The following BTNL9 variants were observed in gnomAD, a reference collection of about 807,000 sequenced individuals.
BTNL9 encodes the protein butyrophilin like 9, also known as butyrophilin-like protein 9.
BTNL9 carries 45 observed loss-of-function variants against 45.8 expected under a neutral mutation model. The observed-to-expected ratio is 0.98, with a 90% CI of 0.77 to 1.26. The LOEUF (loss-of-function observed/expected upper bound fraction) is 1.26, where lower values mean the gene tolerates loss of function less well. BTNL9 is among the 50% of genes most tolerant of loss of function. The pLI, the probability that BTNL9 is intolerant of heterozygous loss-of-function variation, is 0.00. For missense variants in BTNL9, 784 were observed against 729.7 expected (o/e 1.07, Z -0.86); for synonymous variants, 346 against 330.8 (o/e 1.05, Z -0.50).
At chr5:181,041,310 A>G (rs1005407572) in intron 1 of BTNL9, among the ~76,000 whole-genome samples, 4 of 152,210 alleles carry the variant, frequency 2.6e-5, no homozygotes, top group African/African-American at 9.6e-5. Context: ...GAGATTTACT[A>G]TTTGTCAGGA....
Position 181,055,039 on chromosome 5 carries a change from G to A in BTNL9, c.908-394G>A. The A allele has an allele frequency of 5.1e-6, 5 of 985,468 alleles. No individual in the cohort carries two copies. The highest frequency in any genetic ancestry group is 6.0e-6 in the Non-Finnish European group (5 of 829,936). The allele number at this position is 985,468 out of a possible 1,614,324, so 61.0% of individuals were successfully genotyped here. A position where few individuals can be genotyped will look rare whatever the true frequency, so the allele number is the denominator to read the frequency against. On this transcript the variant is annotated intron_variant, in intron 7 of 10. Coordinates refer to ENST00000327705, the MANE Select transcript of BTNL9 (RefSeq NM_152547.5). The surrounding 1 kb of genome is among the most constrained non-coding windows in gnomAD (Gnocchi z 4.4). ...GGTGTGATGTCCTTCCAGTCCTTCAGATAACGCACCCGGTGAGTGACCGTG... is the reference window on the plus strand; with the variant it reads ...GGTGTGATGTCCTTCCAGTCCTTCAAATAACGCACCCGGTGAGTGACCGTG...
intron 2 of BTNL9, 64 bp from the exon 3 acceptor site, chr5:181,047,863 G>T: frequency 7.4e-7 from 1 of 1,357,032 alleles, no homozygotes; most frequent in Admixed American, 2.0e-5. Context: ...CTATAAAGGG[G>T]TGTGATAACT....
rs1761196240 is a variant in BTNL9 at position 181,046,776 on chromosome 5, C to T, written c.110-1151C>T. ...GCACAGCTAAGAGCAATGATTTGTT[C>T]CCGGAAAGCTGAGGAGAGCCGTAGA... On this transcript the variant is annotated intron_variant, in intron 2 of 10. Coordinates refer to ENST00000327705, the MANE Select transcript of BTNL9 (RefSeq NM_152547.5). Among the ~76,000 whole-genome samples, 3 of 152,002 alleles carry T rather than the reference C, an allele frequency of 2.0e-5. No homozygotes were observed. In the South Asian group the frequency reaches 6.2e-4, roughly 32 times the overall value.
At position 181,051,078 on chromosome 5, in the gene BTNL9, C is replaced by CAAAAAAA. The variant is rs1399289272; in HGVS notation, c.736+713_736+719dup. 9.8e-4 allele frequency among the ~76,000 whole-genome samples: 44 copies of CAAAAAAA among 44,700 alleles called. 1 individual carries two copies. Among genetic ancestry groups the CAAAAAAA allele is most frequent in the African/African-American group, 3.4e-3 (40 of 11,746 alleles). 29.3% of individuals were successfully genotyped at this position (44,700 alleles called of 152,430 possible). ...TGGGCAACAGAGCGAGAATCCGTCT[C>CAAAAAAA]AAAAAAAAAACAAAAAAAAAAAAAA... On this transcript the variant is annotated intron_variant, in intron 4 of 10. Transcript: ENST00000327705.
intron 3 of BTNL9, among the ~76,000 whole-genome samples, chr5:181,049,033 C>T (rs892388276): frequency 6.7e-6 from 1 of 149,702 alleles, no homozygotes; most frequent in Non-Finnish European, 1.5e-5. Context: ...TTTTAACTGT[C>T]AGACTAGCAA....
At chr5:181,058,282 A>T in intron 9 of BTNL9, 70 bp from the exon 10 acceptor site, 1 of 1,556,996 alleles carries the variant, frequency 6.4e-7, no homozygotes, top group Non-Finnish European at 8.9e-7. Context: ...ACATCTGGAG[A>T]CTTCGTTAAG....
chr5:181,055,338 C>G lies in BTNL9; in HGVS notation c.908-95C>G, dbSNP rs1761821842. ...AAAATGAAGCTGTGATTAGCAGTGGCTTAAGACTAAGGAAGCTCTTCCCAG... is the reference window on the plus strand; with the variant it reads ...AAAATGAAGCTGTGATTAGCAGTGGGTTAAGACTAAGGAAGCTCTTCCCAG... On this transcript the variant is annotated intron_variant, in intron 7 of 10. Coordinates refer to ENST00000327705, the MANE Select transcript of BTNL9 (RefSeq NM_152547.5). The surrounding 1 kb of genome is among the most constrained non-coding windows in gnomAD (Gnocchi z 4.4). 1.2e-6 allele frequency: 2 copies of G among 1,606,986 alleles called. No homozygotes were observed. Among genetic ancestry groups the G allele is most frequent in the Non-Finnish European group, 1.7e-6 (2 of 1,177,502 alleles).
rs762712116 is a variant in BTNL9, at chr5:181,056,016, G to A, written c.955+1G>A. The A allele has an allele frequency of 8.7e-6, 14 of 1,614,064 alleles. No individual in the cohort carries two copies. Among genetic ancestry groups the A allele is most frequent in the Non-Finnish European group, 1.0e-5 (12 of 1,180,034 alleles). On this transcript the variant is annotated splice_donor_variant, in intron 9 of 10. Transcript: ENST00000327705. LOFTEE classifies it high-confidence loss of function. Reference sequence around the variant, plus strand: ...TGGAGACGGGCTGAAGGCCAGGCTGGTGAGTGGAACCCATCTCTCTCTGAC... The same window carrying A: ...TGGAGACGGGCTGAAGGCCAGGCTGATGAGTGGAACCCATCTCTCTCTGAC...
At chr5:181,045,665 G>C in intron 2 of BTNL9, 67 bp downstream of exon 2, 1 of 1,281,536 alleles carries the variant, frequency 7.8e-7, no homozygotes, top group South Asian at 1.2e-5. Context: ...GCTCCCCAGG[G>C]CTACGATCTT....
intron 9 of BTNL9, chr5:181,057,254 CTATTTTTTTTTTCTT>C (rs2113254138): frequency 6.6e-6 from 1 of 152,054 alleles, no homozygotes; most frequent in African/African-American, 2.4e-5. Flanking sequence ...ACACTTTCTT[CTATTTTTTTTTTCTT>C]TATGTAACTA....
intron 4 of BTNL9, among the ~76,000 whole-genome samples, chr5:181,051,870 G>C (rs778639012): frequency 2.0e-5 from 3 of 151,988 alleles, no homozygotes; most frequent in Non-Finnish European, 4.4e-5. Flanking sequence ...AAAATTTTTA[G>C]ATGGGTAAAT....
intron 3 of BTNL9, among the ~76,000 whole-genome samples, chr5:181,048,900 TA>T: frequency 1.4e-5 from 2 of 140,640 alleles, no homozygotes; most frequent in South Asian, 2.1e-4. Flanking sequence ...ATATGATATA[TA>T]AATATATATA....
Position 181,042,929 on chromosome 5 carries a change from C to T in BTNL9, c.-24+2497C>T, listed in dbSNP as rs559048012. Among the ~76,000 whole-genome samples the T allele has an allele frequency of 2.0e-5, 3 of 152,092 alleles. No homozygotes were observed. The highest frequency in any genetic ancestry group is 2.1e-4 in the South Asian group (1 of 4,802). On this transcript the variant is annotated intron_variant, in intron 1 of 10. Coordinates refer to ENST00000327705, the MANE Select transcript of BTNL9 (RefSeq NM_152547.5). The surrounding 1 kb of genome is among the most constrained non-coding windows in gnomAD (Gnocchi z 4.5). ...TGACGGAAGGGTGTACCCAGACACA[C>T]GACGTAGCTGGTGAGGAATCTGAAT... is the stretch of plus-strand genomic sequence containing the variant.
Position 181,053,510 on chromosome 5 carries a change from G to C in BTNL9, c.886+9G>C, listed in dbSNP as rs1236021088. On this transcript the variant is annotated intron_variant, in intron 6 of 10. Transcript: ENST00000327705. The surrounding 1 kb of genome is among the most constrained non-coding windows in gnomAD (Gnocchi z 6.5). ...GGCGGAGAAGAGACAAGGTGAGCGG[G>C]GACAGGGCGTTCTGCACGCACCTGC... 6.3e-7 allele frequency: 1 copy of C among 1,576,208 alleles called. No individual in the cohort carries two copies.
intron 1 of BTNL9, among the ~76,000 whole-genome samples, chr5:181,041,218 C>T (rs143656118): frequency 1.2e-3 from 177 of 152,326 alleles, no homozygotes; most frequent in African/African-American, 3.9e-3. Flanking sequence ...TCGCTCAGGA[C>T]GCCAACAGCT....
Position 181,048,106 on chromosome 5 carries a change from A to G in BTNL9, c.289A>G (p.Met97Val). The G allele has an allele frequency of 2.5e-6, 4 of 1,613,674 alleles. No homozygotes were observed. Among genetic ancestry groups the G allele is most frequent in the Non-Finnish European group, 3.4e-6 (4 of 1,180,014 alleles). Reference sequence around the variant, plus strand: ...GCAGCAGGAGCTCCCTGGCAGGCAGATGCCGGCGTTCCGGAACAGGACCAA... The same window carrying G: ...GCAGCAGGAGCTCCCTGGCAGGCAGGTGCCGGCGTTCCGGAACAGGACCAA... ...QEQQELPGRQ[M>V]PAFRNRTKLV... Residue 97 changes from methionine to valine, a missense_variant, in exon 3 of 11, where the codon ATG becomes GTG. Transcript: ENST00000327705.
intron 6 of BTNL9, 91 bp from the exon 7 acceptor site, chr5:181,054,148 C>G: frequency 6.3e-7 from 1 of 1,587,598 alleles, no homozygotes; most frequent in African/African-American, 1.3e-5. Context: ...GAGGTGAGGC[C>G]TCAGTGTTCA....
chr5:181,053,462 C>T lies in BTNL9; in HGVS notation c.854-7C>T. On this transcript the variant is annotated splice_polypyrimidine_tract_variant and splice_region_variant and intron_variant, in intron 5 of 10. Coordinates refer to ENST00000327705, the MANE Select transcript of BTNL9 (RefSeq NM_152547.5). This position sits in a 1 kb window ranked among gnomAD's most constrained non-coding sequence, Gnocchi z 6.5. ...ACTCAGCCCTCTCCGCTCCCGTTTC[C>T]CTTCAGAAAAGCTGAGGAAGCAGGC... 1.3e-6 allele frequency: 2 copies of T among 1,572,294 alleles called. No homozygotes were observed. Among genetic ancestry groups the T allele is most frequent in the Non-Finnish European group, 1.7e-6 (2 of 1,159,286 alleles).
chr5:181,055,412 C>T lies in BTNL9; in HGVS notation c.908-21C>T. ...CCACCCACCTGCAGGCTGAAGTTTT[C>T]TTTGTGTGTTCTGCTTGCAGAAAAG... On this transcript the variant is annotated intron_variant, in intron 7 of 10. Coordinates refer to ENST00000327705, the MANE Select transcript of BTNL9 (RefSeq NM_152547.5). The surrounding 1 kb of genome is among the most constrained non-coding windows in gnomAD (Gnocchi z 4.4). 1 of 1,614,112 alleles carries T rather than the reference C, an allele frequency of 6.2e-7. No individual in the cohort carries two copies. Among genetic ancestry groups the T allele is most frequent in the Non-Finnish European group, 8.5e-7 (1 of 1,180,024 alleles).
Sources: allele counts gnomAD v4.1 joint callset (sites outside exome capture counted in the v4.1 genomes callset), GRCh38; gene constraint gnomAD v4.1.1; non-coding constraint Gnocchi (gnomAD v3.1); transcripts MANE v1.5; gene names NCBI Gene and HGNC (gene_info 2026-07-23, HGNC 2026-07-21).